KCTD8: variants seen among roughly 807,000 people sequenced by gnomAD.
The protein encoded by KCTD8 is BTB/POZ domain-containing protein KCTD8.
Under a neutral mutation model 31.5 loss-of-function variants are expected in KCTD8, and 27 were observed. The observed-to-expected ratio is 0.86, with a 90% CI of 0.63 to 1.18. KCTD8 has a LOEUF of 1.18. KCTD8 is among the 50% of genes most tolerant of loss of function. KCTD8 has a pLI of 0.00. For missense variants in KCTD8, 658 were observed against 647.7 expected, an observed-to-expected ratio of 1.02 and a Z score of -0.17; for synonymous variants, 290 against 280.0, an observed-to-expected ratio of 1.04 and a Z score of -0.36.
chr4:44,311,459 C>G (rs1361403552), intron 1 of KCTD8, among the ~76,000 whole-genome samples: 2 of 152,056 alleles, frequency 1.3e-5, no homozygotes, highest in African/African-American at 2.4e-5. Flanking sequence ...TAGGTATATA[C>G]AGTAAAAAAT....
chr4:44,262,322 C>T (rs1716204153), intron 1 of KCTD8, among the ~76,000 whole-genome samples: 1 of 151,602 alleles, frequency 6.6e-6, no homozygotes, highest in African/African-American at 2.4e-5. Flanking sequence ...ACAAATGGAC[C>T]CATTGTGAGA....
intron 1 of KCTD8, among the ~76,000 whole-genome samples, chr4:44,186,089 G>T (rs919093665): frequency 1.3e-5 from 2 of 152,114 alleles, no homozygotes; most frequent in African/African-American, 4.8e-5. Flanking sequence ...CCAATCCTGG[G>T]CCTATAAAAA....
chr4:44,350,302 C>A (rs1266377718), intron 1 of KCTD8, among the ~76,000 whole-genome samples: 1 of 152,180 alleles, frequency 6.6e-6, no homozygotes, highest in African/African-American at 2.4e-5. Context: ...GCCTTACAGT[C>A]TAACCCCTTC....
rs1453541295 is a variant in KCTD8 at position 44,180,154 on chromosome 4, T to C, written c.962-4904A>G. On this transcript the variant is annotated intron_variant, in intron 1 of 1. Transcript: ENST00000360029. The stretch of plus-strand genomic sequence containing the variant: ...ACCTGAAACATCTTCCTGAAAGCAC[T>C]TTGCCCTGTGAGTTAGAGCACCCAA... Among the ~76,000 whole-genome samples the C allele has an allele frequency of 2.0e-5, 3 of 152,208 alleles. No individual in the cohort carries two copies. The East Asian group carries it at 5.8e-4, about 29-fold the overall frequency.
Position 44,448,675 on chromosome 4 carries a change from G to T in KCTD8, c.-152C>A. ...CGGGGCGGCCCCGCTCAGGGTTCGG[G>T]GCAGCGGCGGCGTCGGCGGCGCCCG... On this transcript the variant is annotated 5_prime_UTR_variant, in exon 1 of 2. Transcript: ENST00000360029. This position sits in a 1 kb window ranked among gnomAD's most constrained non-coding sequence, Gnocchi z 4.1. 1.3e-6 allele frequency: 1 copy of T among 787,884 alleles called. No homozygotes were observed. Among genetic ancestry groups the T allele is most frequent in the Non-Finnish European group, 1.7e-6 (1 of 581,980 alleles). 48.8% of individuals were successfully genotyped at this position (787,884 alleles called of 1,614,324 possible).
At chr4:44,192,505 C>T (rs2109335416) in intron 1 of KCTD8, among the ~76,000 whole-genome samples, 1 of 151,010 alleles carries the variant, frequency 6.6e-6, no homozygotes, top group East Asian at 1.9e-4. Context: ...CACACACACA[C>T]ACACACACAC....
At chr4:44,253,447 G>C (rs1462344216) in intron 1 of KCTD8, among the ~76,000 whole-genome samples, 1 of 151,760 alleles carries the variant, frequency 6.6e-6, no homozygotes, top group East Asian at 1.9e-4. Context: ...GGTGGAGTTT[G>C]TGTCCTCTTC....
At chr4:44,309,787 G>A (rs1194104468) in intron 1 of KCTD8, among the ~76,000 whole-genome samples, 1 of 152,046 alleles carries the variant, frequency 6.6e-6, no homozygotes, top group East Asian at 1.9e-4. Context: ...AAAGGATAAT[G>A]AGTCTAAAAG....
intron 1 of KCTD8, among the ~76,000 whole-genome samples, chr4:44,208,602 C>G (rs746820014): frequency 6.6e-6 from 1 of 151,986 alleles, no homozygotes; most frequent in South Asian, 2.1e-4. Context: ...AACTTTTCAC[C>G]CTAAAAGAAA....
intron 1 of KCTD8, among the ~76,000 whole-genome samples, chr4:44,269,421 T>A (rs1264034426): frequency 6.6e-6 from 1 of 151,320 alleles, no homozygotes; most frequent in Non-Finnish European, 1.5e-5. Flanking sequence ...ATGTTAGACC[T>A]AAAACCATAA....
intron 1 of KCTD8, among the ~76,000 whole-genome samples, chr4:44,432,726 C>A (rs540839832): frequency 6.6e-6 from 1 of 151,770 alleles, no homozygotes; most frequent in African/African-American, 2.4e-5. Flanking sequence ...ATTTATGTAA[C>A]CACACCAGAC....
chr4:44,265,085 C>T (rs1688474831), intron 1 of KCTD8, among the ~76,000 whole-genome samples: 1 of 152,178 alleles, frequency 6.6e-6, no homozygotes, highest in African/African-American at 2.4e-5. Flanking sequence ...GGCAGACTGC[C>T]TCCTCAAGTG....
intron 1 of KCTD8, among the ~76,000 whole-genome samples, chr4:44,208,882 G>A (rs1266607706): frequency 6.6e-6 from 1 of 152,222 alleles, no homozygotes; most frequent in African/African-American, 2.4e-5. Context: ...CCAGAAAGAG[G>A]AAATTACAAA....
chr4:44,315,478 G>A (rs1301677246), intron 1 of KCTD8, among the ~76,000 whole-genome samples: 2 of 152,060 alleles, frequency 1.3e-5, no homozygotes, highest in Non-Finnish European at 2.9e-5. Context: ...CCATACAGAT[G>A]TAAGAACAAG....
intron 1 of KCTD8, among the ~76,000 whole-genome samples, chr4:44,288,494 CA>C (rs1289288191): frequency 4.6e-5 from 7 of 152,128 alleles, no homozygotes; most frequent in African/African-American, 1.7e-4. Context: ...AGAAATTAAA[CA>C]ACTTTGAGTT....
intron 1 of KCTD8, among the ~76,000 whole-genome samples, chr4:44,415,130 C>T (rs1398393540): frequency 6.6e-6 from 1 of 152,098 alleles, no homozygotes; most frequent in Non-Finnish European, 1.5e-5. Context: ...AACCTGGCTG[C>T]ATTGTGTTCA....
chr4:44,181,936 G>A (rs1281449251), intron 1 of KCTD8, among the ~76,000 whole-genome samples: 2 of 141,690 alleles, frequency 1.4e-5, no homozygotes, highest in African/African-American at 2.5e-5. Context: ...CCTCCACCCG[G>A]CAGCCGCCCC....
chr4:44,406,823 T>G (rs1322855245), intron 1 of KCTD8, among the ~76,000 whole-genome samples: 2 of 152,216 alleles, frequency 1.3e-5, no homozygotes, highest in Non-Finnish European at 2.9e-5. Flanking sequence ...TGACACATTA[T>G]TTTTGTCCTC....
At chr4:44,370,152 A>T (rs1719744644) in intron 1 of KCTD8, among the ~76,000 whole-genome samples, 1 of 152,188 alleles carries the variant, frequency 6.6e-6, no homozygotes, top group Admixed American at 6.5e-5. Flanking sequence ...CTGAGCATCC[A>T]TTAGTGTTCC....
Sources: allele counts gnomAD v4.1 joint callset (sites outside exome capture counted in the v4.1 genomes callset), GRCh38; gene constraint gnomAD v4.1.1; non-coding constraint Gnocchi (gnomAD v3.1); transcripts MANE v1.5; gene names NCBI Gene and HGNC (gene_info 2026-07-23, HGNC 2026-07-21).